The following MARCHF1 variants were observed in gnomAD, a reference collection of about 807,000 sequenced individuals.
The protein encoded by MARCHF1 is E3 ubiquitin-protein ligase MARCHF1.
In MARCHF1, 40 loss-of-function variants were observed where a neutral mutation model predicts 54.2. That is an observed-to-expected ratio of 0.74 (90% CI 0.57 to 0.96). The LOEUF is 0.96. MARCHF1 is among the 40% of genes least tolerant of loss of function. MARCHF1 has a pLI of 0.00. For missense variants in MARCHF1, 586 were observed against 656.5 expected (o/e 0.89, Z 1.17); for synonymous variants, 236 against 236.3 (o/e 1.00, Z 0.01).
At chr4:163,691,495 G>A (rs886218658) in intron 5 of MARCHF1, among the ~76,000 whole-genome samples, 3 of 152,118 alleles carry the variant, frequency 2.0e-5, no homozygotes, top group Admixed American at 6.6e-5. Flanking sequence ...GGCCTGATAA[G>A]AGAATGGCAG....
intron 4 of MARCHF1, among the ~76,000 whole-genome samples, chr4:163,836,535 G>A (rs1380261869): frequency 2.7e-5 from 1 of 37,062 alleles, no homozygotes; most frequent in South Asian, 1.5e-3. Flanking sequence ...GTGAGCCACC[G>A]CGCCCGGCTA....
chr4:164,189,314 A>C, intron 1 of MARCHF1: 1 of 598,586 alleles, frequency 1.7e-6, no homozygotes. Flanking sequence ...GAGTCCTTCT[A>C]TGAAGGAGAA....
intron 1 of MARCHF1, among the ~76,000 whole-genome samples, chr4:164,226,803 T>C (rs1430029714): frequency 6.6e-6 from 1 of 152,010 alleles, no homozygotes; most frequent in East Asian, 1.9e-4. Context: ...TCTCATTAAC[T>C]TGCTTCCTAG....
At chr4:164,360,924 C>A (rs2110924538) in intron 1 of MARCHF1, among the ~76,000 whole-genome samples, 1 of 151,828 alleles carries the variant, frequency 6.6e-6, no homozygotes, top group South Asian at 2.1e-4. Context: ...GGCAAATACA[C>A]ATAAAATGAA....
intron 2 of MARCHF1, among the ~76,000 whole-genome samples, chr4:164,086,750 A>G (rs1755200034): frequency 6.6e-6 from 1 of 152,078 alleles, no homozygotes; most frequent in Non-Finnish European, 1.5e-5. Flanking sequence ...GTTATTCCGA[A>G]GAACTCACAC....
chr4:163,578,840 A>G (rs1740123754), intron 8 of MARCHF1, among the ~76,000 whole-genome samples: 1 of 152,142 alleles, frequency 6.6e-6, no homozygotes, highest in Admixed American at 6.5e-5. Flanking sequence ...ACTACTGCAC[A>G]TGACTGGTAT....
intron 1 of MARCHF1, among the ~76,000 whole-genome samples, chr4:164,351,510 C>T (rs1238144110): frequency 6.6e-6 from 1 of 151,886 alleles, no homozygotes; most frequent in Non-Finnish European, 1.5e-5. Context: ...ACACTGACAC[C>T]TCACACGGCA....
At chr4:163,613,113 G>T (rs1232461064) in intron 6 of MARCHF1, 75 bp from the exon 7 acceptor site, 8 of 1,352,954 alleles carry the variant, frequency 5.9e-6, no homozygotes. Context: ...GAGAGAGAAT[G>T]ATGAAAATGA....
intron 2 of MARCHF1, among the ~76,000 whole-genome samples, chr4:163,990,078 G>A (rs759756745): frequency 2.0e-5 from 3 of 152,168 alleles, no homozygotes; most frequent in Non-Finnish European, 4.4e-5. Context: ...AAAAAGATCT[G>A]TACTGCTGTT....
At chr4:163,660,533 C>T (rs1452416791) in intron 5 of MARCHF1, among the ~76,000 whole-genome samples, 2 of 151,318 alleles carry the variant, frequency 1.3e-5, no homozygotes, top group Non-Finnish European at 2.9e-5. Context: ...AACAAACCTG[C>T]ACATTCTGCA....
At chr4:164,125,565 A>G (rs951869310) in intron 1 of MARCHF1, among the ~76,000 whole-genome samples, 4 of 152,180 alleles carry the variant, frequency 2.6e-5, no homozygotes, top group African/African-American at 9.7e-5. Context: ...TTATTTACAT[A>G]TATACAATTC....
At chr4:163,574,555 C>T (rs6823057) in intron 8 of MARCHF1, among the ~76,000 whole-genome samples, 18,742 of 135,374 alleles carry the variant, frequency 0.14, 1,863 homozygotes, top group African/African-American at 0.26. Context: ...TTCCCAGCAC[C>T]ATTGATTAAA....
chr4:163,981,635 TCCCC>T (rs1418990062), intron 3 of MARCHF1, among the ~76,000 whole-genome samples: 1 of 152,144 alleles, frequency 6.6e-6, no homozygotes, highest in African/African-American at 2.4e-5. Flanking sequence ...TCTGTGATCC[TCCCC>T]CTTCAGCAGT....
At chr4:164,020,380 T>C (rs1413666225) in intron 2 of MARCHF1, among the ~76,000 whole-genome samples, 1 of 152,196 alleles carries the variant, frequency 6.6e-6, no homozygotes, top group African/African-American at 2.4e-5. Context: ...AAATATGAGA[T>C]GAAGCATCTA....
chr4:163,985,358 T>C (rs2110878522), intron 3 of MARCHF1, among the ~76,000 whole-genome samples: 1 of 152,258 alleles, frequency 6.6e-6, no homozygotes, highest in South Asian at 2.1e-4. Context: ...GTATTCAAAC[T>C]GGACATAATA....
rs146690260 is a variant in MARCHF1, at chr4:164,021,431, T to C, written c.-247-32722A>G. On this transcript the variant is annotated intron_variant, in intron 2 of 9. Transcript: ENST00000514618. ...CCCATTTTTTATTTACTTAACCCCATAAATACTTATTTATCTTTGTTTTTC... is the reference window on the plus strand; with the variant it reads ...CCCATTTTTTATTTACTTAACCCCACAAATACTTATTTATCTTTGTTTTTC... Among the ~76,000 whole-genome samples, 222 of 152,304 alleles carry C rather than the reference T, an allele frequency of 1.5e-3. 1 individual carries two copies. Among genetic ancestry groups the C allele is most frequent in the African/African-American group, 5.1e-3 (214 of 41,574 alleles).
chr4:163,575,119 G>T (rs1420272370), intron 8 of MARCHF1, among the ~76,000 whole-genome samples: 1 of 151,982 alleles, frequency 6.6e-6, no homozygotes, highest in Admixed American at 6.6e-5. Flanking sequence ...CAAGCAGACT[G>T]CATCCAGCTT....
In MARCHF1 at chr4:163,938,165, A is replaced by C. The variant is rs193221100; in HGVS notation, c.-39+50336T>G. On this transcript the variant is annotated intron_variant, in intron 3 of 9. Coordinates refer to ENST00000514618, the MANE Select transcript of MARCHF1 (RefSeq NM_001394959.1). ...TTCTCTGAGTATGAACCCATTTGGC[A>C]CACTTCTTTTAGTGTGACATAAGGA... Among the ~76,000 whole-genome samples the C allele has an allele frequency of 5.9e-5, 9 of 152,292 alleles. No individual in the cohort carries two copies. The East Asian group carries it at 1.7e-3, about 29-fold the overall frequency.
At chr4:163,752,215 G>A (rs140166927) in intron 4 of MARCHF1, among the ~76,000 whole-genome samples, 1 of 152,246 alleles carries the variant, frequency 6.6e-6, no homozygotes, top group East Asian at 1.9e-4. Flanking sequence ...AAATGCAATA[G>A]AAAACAAGTA....
Sources: allele counts gnomAD v4.1 joint callset (sites outside exome capture counted in the v4.1 genomes callset), GRCh38; gene constraint gnomAD v4.1.1; transcripts MANE v1.5; gene names NCBI Gene and HGNC (gene_info 2026-07-23, HGNC 2026-07-21).